Variants in LDLRAD3 observed in about 807,000 individuals in gnomAD.
LDLRAD3 encodes the protein low-density lipoprotein receptor class A domain-containing protein 3.
LDLRAD3 carries 20 observed loss-of-function variants against 29.4 expected under a neutral mutation model. The ratio of observed to expected loss-of-function variants is 0.68; its 90% CI spans 0.48 to 0.99. The LOEUF (loss-of-function observed/expected upper bound fraction) is 0.99, where lower values mean the gene tolerates loss of function less well. Ranked by LOEUF, LDLRAD3 falls within the 50% of genes least tolerant of loss-of-function variation. The pLI is 0.00. For missense variants in LDLRAD3, 420 were observed against 454.3 expected, an observed-to-expected ratio of 0.92 and a Z score of 0.69; for synonymous variants, 157 against 192.7, an observed-to-expected ratio of 0.81 and a Z score of 1.53.
chr11:35,965,377 T>G (rs2984701), intron 1 of LDLRAD3, among the ~76,000 whole-genome samples: 79,704 of 152,118 alleles, frequency 0.52, 22,665 homozygotes, highest in African/African-American at 0.76. Context: ...TGAACCCTTT[T>G]TCACGGACCA....
chr11:36,170,330 G>GTATATATA (rs1565276200), intron 4 of LDLRAD3, among the ~76,000 whole-genome samples: 1 of 146,386 alleles, frequency 6.8e-6, no homozygotes, highest in Non-Finnish European at 1.5e-5. Context: ...ATGTATATAT[G>GTATATATA]TACGTATATA....
At chr11:36,178,514 A>G (rs966397435) in intron 4 of LDLRAD3, among the ~76,000 whole-genome samples, 2 of 152,076 alleles carry the variant, frequency 1.3e-5, no homozygotes, top group African/African-American at 4.8e-5. Context: ...ACCCCTTCCA[A>G]ATGCCCCTTT....
chr11:36,182,511 A>T (rs1050158484), intron 4 of LDLRAD3, among the ~76,000 whole-genome samples: 1 of 151,922 alleles, frequency 6.6e-6, no homozygotes, highest in African/African-American at 2.4e-5. Context: ...TCAACAAACT[A>T]TTTTTTTTCT....
intron 4 of LDLRAD3, among the ~76,000 whole-genome samples, chr11:36,221,420 C>T (rs1855425284): frequency 6.6e-6 from 1 of 151,374 alleles, no homozygotes; most frequent in South Asian, 2.1e-4. Context: ...CTCAGGGACT[C>T]ATGAGTCAGT....
At chr11:36,185,749 ACACACATTC>A in intron 4 of LDLRAD3, among the ~76,000 whole-genome samples, 1 of 152,292 alleles carries the variant, frequency 6.6e-6, no homozygotes, top group South Asian at 2.1e-4. Context: ...ACCCTTGAAA[ACACACATTC>A]TTCTCTACTG....
chr11:36,068,894 A>T (rs1852845183), intron 2 of LDLRAD3, among the ~76,000 whole-genome samples: 2 of 152,206 alleles, frequency 1.3e-5, no homozygotes, highest in African/African-American at 4.8e-5. Context: ...TCTCAGCATA[A>T]AAGAGAAGAG....
chr11:36,200,445 C>G (rs1268109972), intron 4 of LDLRAD3, among the ~76,000 whole-genome samples: 3 of 152,174 alleles, frequency 2.0e-5, no homozygotes, highest in African/African-American at 7.2e-5. Flanking sequence ...CACCATCACA[C>G]TGGGGGTTAG....
At position 36,167,706 on chromosome 11, in the gene LDLRAD3, G is replaced by A. The variant is rs1304779802; in HGVS notation, c.455-59379G>A. 7.2e-5 allele frequency among the ~76,000 whole-genome samples: 11 copies of A among 152,188 alleles called. No homozygotes were observed. The East Asian group carries it at 1.5e-3, about 21-fold the overall frequency. On this transcript the variant is annotated intron_variant, in intron 4 of 5. Coordinates refer to ENST00000315571, the MANE Select transcript of LDLRAD3 (RefSeq NM_174902.4). The stretch of plus-strand genomic sequence containing the variant: ...TCAGAGGGAGCACGCCCTGCTGACA[G>A]CTTGATTGCAGACTTTGGGCCTCCA...
chr11:35,949,476 G>T (rs1348303794), intron 1 of LDLRAD3, among the ~76,000 whole-genome samples: 1 of 151,972 alleles, frequency 6.6e-6, no homozygotes, highest in Non-Finnish European at 1.5e-5. Flanking sequence ...GTTCTTCTGG[G>T]CTCCCCTTTC....
intron 2 of LDLRAD3, among the ~76,000 whole-genome samples, chr11:36,045,462 C>T (rs1228510532): frequency 1.3e-5 from 2 of 152,168 alleles, no homozygotes; most frequent in African/African-American, 2.4e-5. Flanking sequence ...TCGGCCCGGC[C>T]GTGGTTTCTC....
intron 1 of LDLRAD3, among the ~76,000 whole-genome samples, chr11:35,977,457 G>A (rs1262695956): frequency 6.6e-6 from 1 of 152,104 alleles, no homozygotes; most frequent in African/African-American, 2.4e-5. Context: ...AGTGTATGAA[G>A]GGGTTCATTA....
chr11:36,183,963 C>CTTTTTTT (rs547281058), intron 4 of LDLRAD3: 6 of 221,166 alleles, frequency 2.7e-5, no homozygotes, highest in African/African-American at 8.5e-5. Context: ...TATATTTCAT[C>CTTTTTTT]TTTTTTTTTT....
chr11:36,059,560 A>G (rs993235179), intron 2 of LDLRAD3, among the ~76,000 whole-genome samples: 4 of 151,744 alleles, frequency 2.6e-5, no homozygotes, highest in Non-Finnish European at 5.9e-5. Context: ...TTCTGTTTCA[A>G]GTTCTTCCCA....
chr11:36,165,955 TC>T (rs1228214774), intron 4 of LDLRAD3, among the ~76,000 whole-genome samples: 1 of 67,616 alleles, frequency 1.5e-5, no homozygotes, highest in African/African-American at 5.6e-5. Context: ...CCTCCCTCCC[TC>T]CCTCCCTCCC....
At chr11:36,211,982 G>A (rs572613170) in intron 4 of LDLRAD3, among the ~76,000 whole-genome samples, 1 of 152,334 alleles carries the variant, frequency 6.6e-6, no homozygotes, top group Admixed American at 6.5e-5. Context: ...TGACCATTGA[G>A]TTCAAAGAAT....
At chr11:36,072,737 C>T (rs1010385596) in intron 2 of LDLRAD3, among the ~76,000 whole-genome samples, 3 of 152,306 alleles carry the variant, frequency 2.0e-5, no homozygotes, top group South Asian at 2.1e-4. Context: ...ATCTGTGGAA[C>T]GTGAGAATTA....
intron 4 of LDLRAD3, among the ~76,000 whole-genome samples, chr11:36,180,658 C>G (rs1011024816): frequency 6.6e-6 from 1 of 151,932 alleles, no homozygotes. Context: ...CATATTTTGA[C>G]AGGATCATCT....
intron 1 of LDLRAD3, among the ~76,000 whole-genome samples, chr11:36,015,042 C>G (rs1852003200): frequency 6.6e-6 from 1 of 152,198 alleles, no homozygotes. Context: ...GGGCAGTCCC[C>G]TACTCCCTGT....
chr11:36,060,217 G>C (rs1047412175), intron 2 of LDLRAD3, among the ~76,000 whole-genome samples: 1 of 152,048 alleles, frequency 6.6e-6, no homozygotes, highest in Non-Finnish European at 1.5e-5. Flanking sequence ...AGCTGGGCAT[G>C]GTGGTGGGCA....
Sources: allele counts gnomAD v4.1 joint callset (sites outside exome capture counted in the v4.1 genomes callset), GRCh38; gene constraint gnomAD v4.1.1; transcripts MANE v1.5; gene names NCBI Gene and HGNC (gene_info 2026-07-23, HGNC 2026-07-21).